Variants in PARN observed in about 807,000 individuals in gnomAD.
PARN encodes the protein poly(A)-specific ribonuclease.
Under a neutral mutation model 102.8 loss-of-function variants are expected in PARN, and 71 were observed. The observed-to-expected ratio is 0.69, with a 90% confidence interval of 0.57 to 0.84. PARN has a LOEUF of 0.84. Among genes scored for constraint, PARN ranks in the 40% least tolerant of loss-of-function variants. The pLI is 0.00. For missense variants in PARN, 782 were observed against 760.9 expected, an observed-to-expected ratio of 1.03 and a Z score of -0.33; for synonymous variants, 261 against 252.9, an observed-to-expected ratio of 1.03 and a Z score of -0.30.
chr16:14,608,241 G>C (rs1260502081), intron 9 of PARN, 40 bp downstream of exon 9: 32 of 1,400,636 alleles, frequency 2.3e-5, no homozygotes, highest in Non-Finnish European at 2.7e-5. Flanking sequence ...TTAAATCCTG[G>C]GTCCCCCACA....
chr16:14,538,460 T>C (rs1470182525), intron 21 of PARN, among the ~76,000 whole-genome samples: 1 of 151,924 alleles, frequency 6.6e-6, no homozygotes, highest in African/African-American at 2.4e-5. Context: ...CATCAAGTGA[T>C]AACGCCTGCC....
At chr16:14,492,874 C>T (rs978181513) in intron 21 of PARN, among the ~76,000 whole-genome samples, 1 of 152,126 alleles carries the variant, frequency 6.6e-6, no homozygotes, top group Admixed American at 6.5e-5. Context: ...GGGTGAGTTA[C>T]CTGCCTCCCT....
At chr16:14,486,058 C>G (rs1243876152) in intron 21 of PARN, among the ~76,000 whole-genome samples, 1 of 152,050 alleles carries the variant, frequency 6.6e-6, no homozygotes, top group Non-Finnish European at 1.5e-5. Context: ...ATGACATCTG[C>G]AATAATCCCT....
intron 13 of PARN, among the ~76,000 whole-genome samples, chr16:14,591,681 C>G (rs141851368): frequency 6.6e-6 from 1 of 152,208 alleles, no homozygotes; most frequent in African/African-American, 2.4e-5. Flanking sequence ...TGAAGGGGGA[C>G]AGGAAATGCT....
At chr16:14,436,891 T>C (rs1960730379) in intron 23 of PARN, 119 bp from the exon 24 acceptor site, 1 of 725,878 alleles carries the variant, frequency 1.4e-6, no homozygotes, top group Non-Finnish European at 2.4e-6. Context: ...GGCCAGCGTC[T>C]GGCTAAACAG....
intron 10 of PARN, among the ~76,000 whole-genome samples, chr16:14,604,433 G>T (rs2151787992): frequency 6.6e-6 from 1 of 151,906 alleles, no homozygotes; most frequent in African/African-American, 2.4e-5. Context: ...GCTAATTTTT[G>T]TATTTTTAGT....
chr16:14,545,845 G>A (rs1966901852), intron 21 of PARN, among the ~76,000 whole-genome samples: 1 of 152,088 alleles, frequency 6.6e-6, no homozygotes, highest in Admixed American at 6.5e-5. Flanking sequence ...GAGGACGCCA[G>A]GCTTAAATTT....
chr16:14,510,855 G>A (rs1046827770), intron 21 of PARN, among the ~76,000 whole-genome samples: 3 of 152,152 alleles, frequency 2.0e-5, no homozygotes, highest in African/African-American at 7.2e-5. Context: ...AAACCAGGAG[G>A]GGGAAAGACA....
At chr16:14,587,404 T>A (rs539516945) in intron 13 of PARN, among the ~76,000 whole-genome samples, 1 of 152,224 alleles carries the variant, frequency 6.6e-6, no homozygotes, top group East Asian at 1.9e-4. Context: ...AGTATCAAGA[T>A]AGTTCATAAG....
At chr16:14,626,738 A>G (rs926211299) in intron 5 of PARN, among the ~76,000 whole-genome samples, 1 of 150,872 alleles carries the variant, frequency 6.6e-6, no homozygotes, top group Non-Finnish European at 1.5e-5. Context: ...CAGCCTCCCT[A>G]AGTAGCTGGG....
intron 18 of PARN, among the ~76,000 whole-genome samples, chr16:14,557,488 C>T (rs927268177): frequency 1.4e-4 from 20 of 142,264 alleles, no homozygotes; most frequent in South Asian, 2.3e-4. Context: ...ACCATGGAGG[C>T]GGAGGTTGCA....
chr16:14,560,966 G>A (rs1369269615), intron 18 of PARN, among the ~76,000 whole-genome samples: 2 of 152,194 alleles, frequency 1.3e-5, no homozygotes, highest in African/African-American at 4.8e-5. Flanking sequence ...GACCAGCCTA[G>A]CCAATGTGGT....
In PARN at chr16:14,571,082, TTCCCAATAAAAGTCTAAAAC is replaced by T. The variant is rs375100757; in HGVS notation, c.1262+9772_1262+9791del. On this transcript the variant is annotated intron_variant, in intron 18 of 23. Transcript: ENST00000437198. ...AGAAGATATATTTCTTTACTTCCTTTTCCCAATAAAAGTCTAAAACTCCAGGCGCGGTGGCTCATGCCTGT... is the reference window on the plus strand; with the variant it reads ...AGAAGATATATTTCTTTACTTCCTTTTCCAGGCGCGGTGGCTCATGCCTGT... Among the ~76,000 whole-genome samples the T allele has an allele frequency of 8.3e-3, 1,262 of 152,074 alleles. 21 individuals are homozygous for T. The highest frequency in any genetic ancestry group is 0.028 in the African/African-American group (1,183 of 41,520).
At chr16:14,580,583 G>A (rs1051339354) in intron 18 of PARN, among the ~76,000 whole-genome samples, 3 of 151,888 alleles carry the variant, frequency 2.0e-5, no homozygotes, top group Non-Finnish European at 2.9e-5. Context: ...CACCACACCC[G>A]GCCCCTCATA....
intron 21 of PARN, among the ~76,000 whole-genome samples, chr16:14,545,997 C>G (rs990399850): frequency 1.8e-4 from 27 of 152,148 alleles, no homozygotes; most frequent in African/African-American, 6.3e-4. Flanking sequence ...TAGACAATAT[C>G]AAACAATACA....
intron 22 of PARN, among the ~76,000 whole-genome samples, chr16:14,478,092 G>C (rs918849514): frequency 2.0e-5 from 3 of 152,220 alleles, no homozygotes; most frequent in East Asian, 3.9e-4. Flanking sequence ...GAGGTGGGAG[G>C]ATCTCTTGAG....
At chr16:14,559,937 C>T (rs781544665) in intron 18 of PARN, among the ~76,000 whole-genome samples, 29 of 152,162 alleles carry the variant, frequency 1.9e-4, no homozygotes, top group Non-Finnish European at 3.4e-4. Context: ...TGAGTGTCTG[C>T]GGAACTGAAC....
intron 22 of PARN, among the ~76,000 whole-genome samples, chr16:14,457,797 C>CAAAAAAAAA (rs35170336): frequency 3.3e-5 from 1 of 30,154 alleles, no homozygotes; most frequent in Non-Finnish European, 5.4e-5. Context: ...GACTCTGTCT[C>CAAAAAAAAA]AAAAAAAAAA....
intron 21 of PARN, among the ~76,000 whole-genome samples, chr16:14,549,002 T>A (rs879698075): frequency 5.0e-5 from 1 of 20,096 alleles, no homozygotes; most frequent in African/African-American, 2.0e-4. Flanking sequence ...GGGGGGAAGG[T>A]GGGGAGGGGA....
Sources: gnomAD v4.1 joint callset for allele counts (sites outside exome capture counted in the v4.1 genomes callset) on GRCh38, gnomAD v4.1.1 for gene constraint, MANE v1.5 for transcripts, NCBI Gene and HGNC (gene_info 2026-07-23, HGNC 2026-07-21) for gene names.